Variants in ITSN2 observed in about 807,000 individuals in gnomAD.
ITSN2 encodes the protein intersectin 2, also known as intersectin-2.
In ITSN2, 156 loss-of-function variants were observed where a neutral mutation model predicts 243.7. The ratio of observed to expected loss-of-function variants is 0.64; its 90% CI spans 0.56 to 0.73. The LOEUF (loss-of-function observed/expected upper bound fraction) is 0.73, where lower values mean the gene tolerates loss of function less well. Among genes scored for constraint, ITSN2 ranks in the 30% least tolerant of loss-of-function variants. The pLI is 0.00. For missense variants in ITSN2, 1,801 were observed against 1,996.1 expected, an observed-to-expected ratio of 0.90 and a Z score of 1.86; for synonymous variants, 703 against 699.9, an observed-to-expected ratio of 1.00 and a Z score of -0.07.
chr2:24,261,374 AT>A, intron 21 of ITSN2, 124 bp from the exon 22 acceptor site: 1 of 903,168 alleles, frequency 1.1e-6, no homozygotes, highest in Non-Finnish European at 1.7e-6. Context: ...AAAAGAAATA[AT>A]TATTAACAAA....
intron 17 of ITSN2, among the ~76,000 whole-genome samples, chr2:24,280,869 G>A (rs1455978429): frequency 6.6e-6 from 1 of 152,158 alleles, no homozygotes; most frequent in Non-Finnish European, 1.5e-5. Flanking sequence ...CTTCATCAAT[G>A]ACCTTTTTAA....
intron 1 of ITSN2, 57 bp from the exon 2 acceptor site, chr2:24,328,172 G>A (rs1685363156): frequency 8.0e-7 from 1 of 1,245,040 alleles, no homozygotes; most frequent in Non-Finnish European, 1.2e-6. Context: ...TCACAGTTTA[G>A]TGCACCCGCT....
chr2:24,337,327 T>TATACATATATATATAC (rs1553395933), intron 1 of ITSN2, among the ~76,000 whole-genome samples: 1 of 97,402 alleles, frequency 1.0e-5, no homozygotes, highest in African/African-American at 4.2e-5. Flanking sequence ...TATATATATA[T>TATACATATATATATAC]ATATATATAT....
intron 8 of ITSN2, 57 bp from the exon 9 acceptor site, chr2:24,303,919 A>G: frequency 8.8e-7 from 1 of 1,142,484 alleles, no homozygotes; most frequent in Non-Finnish European, 1.3e-6. Context: ...AGTTATGCAT[A>G]ACAAATTAGC....
intron 20 of ITSN2, among the ~76,000 whole-genome samples, chr2:24,262,931 TAC>T (rs1371033112): frequency 6.6e-6 from 1 of 152,144 alleles, no homozygotes; most frequent in Non-Finnish European, 1.5e-5. Flanking sequence ...ACATCCAAAC[TAC>T]TGAATTTGTC....
intron 25 of ITSN2, among the ~76,000 whole-genome samples, chr2:24,251,328 A>AAAAATAAAAAAAATAT (rs1358585681): frequency 1.4e-4 from 1 of 6,980 alleles, no homozygotes; most frequent in Non-Finnish European, 3.2e-4. Flanking sequence ...AAAAAAATAA[A>AAAAATAAAAAAAATAT]ATATATATAT....
chr2:24,357,522 A>T (rs1248387574), intron 1 of ITSN2, among the ~76,000 whole-genome samples: 1 of 152,218 alleles, frequency 6.6e-6, no homozygotes, highest in African/African-American at 2.4e-5. Flanking sequence ...GAATAGGTGC[A>T]GCAAACCACC....
Position 24,252,502 on chromosome 2 carries a change from G to A in ITSN2, c.2963C>T (p.Ala988Val), listed in dbSNP as rs748516929. The change falls in exon 25 of 40, where the codon GCA becomes GTA. Residue 988 changes from alanine (A) to valine (V), a missense_variant. Ala to Val is a moderately conservative substitution (Grantham distance 64, BLOSUM62 0). This residue lies in a region of ITSN2 where 928 missense variants were observed against 1,065.4 expected (regional missense o/e 0.87). Transcript: ENST00000355123. Reference protein sequence around the residue: ...AAYSVGEEYIALYPYSSVEPG... With the variant: ...AAYSVGEEYIVLYPYSSVEPG... ...TTCCACACTTGAATATGGATAAAGT[G>A]CAATATATTCTGTAGGGAACAAAGC... The A allele has an allele frequency of 7.5e-6, 12 of 1,609,524 alleles. No individual in the cohort carries two copies. The highest frequency in any genetic ancestry group is 2.2e-5 in the South Asian group (2 of 90,842).
At chr2:24,212,531 G>A in intron 33 of ITSN2, 119 bp downstream of exon 33, 2 of 705,240 alleles carry the variant, frequency 2.8e-6, no homozygotes, top group African/African-American at 1.8e-5. Context: ...CACTTGTGCG[G>A]TGTCACACTG....
At chr2:24,297,668 C>T (rs930522718) in intron 13 of ITSN2, among the ~76,000 whole-genome samples, 2 of 152,148 alleles carry the variant, frequency 1.3e-5, no homozygotes, top group African/African-American at 2.4e-5. Flanking sequence ...TTCTGCTGCC[C>T]GAGCTTCCCC....
intron 30 of ITSN2, among the ~76,000 whole-genome samples, chr2:24,219,716 G>C (rs1326523346): frequency 6.6e-6 from 1 of 152,182 alleles, no homozygotes; most frequent in Non-Finnish European, 1.5e-5. Flanking sequence ...CAAGCACCCG[G>C]TGCCTGCTCA....
chr2:24,279,008 C>T (rs1233589518), intron 17 of ITSN2, among the ~76,000 whole-genome samples: 1 of 152,130 alleles, frequency 6.6e-6, no homozygotes, highest in African/African-American at 2.4e-5. Context: ...TAAGGAACTT[C>T]TATTACTAGT....
chr2:24,210,647 C>A, intron 34 of ITSN2, 133 bp downstream of exon 34: 1 of 621,034 alleles, frequency 1.6e-6, no homozygotes, highest in Non-Finnish European at 2.6e-6. Flanking sequence ...AAAAAAAATG[C>A]CTTTGCAGGG....
At chr2:24,248,906 G>C in intron 25 of ITSN2, 24 bp from the exon 26 acceptor site, 1 of 1,607,808 alleles carries the variant, frequency 6.2e-7, no homozygotes, top group Non-Finnish European at 8.5e-7. Context: ...ATACCGTGTT[G>C]TTTTATTATT....
At chr2:24,254,540 T>G (rs990171695) in intron 23 of ITSN2, 109 bp from the exon 24 acceptor site, 1 of 738,310 alleles carries the variant, frequency 1.4e-6, no homozygotes, top group Non-Finnish European at 2.3e-6. Flanking sequence ...TAGGGCTTTC[T>G]CAAATTAAAT....
chr2:24,203,734 C>T lies in ITSN2; in HGVS notation c.4986G>A (p.Gln1662=), dbSNP rs1265958465. 4 of 1,614,208 alleles carry T rather than the reference C, an allele frequency of 2.5e-6. No homozygotes were observed. The highest frequency in any genetic ancestry group is 2.5e-6 in the Non-Finnish European group (3 of 1,180,038). Residue 1662 remains glutamine (Q), a synonymous_variant, in exon 40 of 40, where the codon CAG becomes CAA. Coordinates refer to ENST00000355123, the MANE Select transcript of ITSN2 (RefSeq NM_006277.3). The part of the protein sequence containing the change: ...EIPVAKIRTE[Q]ESKGPMTRRL... ...GGCGGGTCATAGGGCCTTTGCTTTCCTGTTCTGTTCGAATTTTTGCCACTG... is the reference window on the plus strand; with the variant it reads ...GGCGGGTCATAGGGCCTTTGCTTTCTTGTTCTGTTCGAATTTTTGCCACTG...
Position 24,225,091 on chromosome 2 carries a change from GA to G in ITSN2, c.3578-4026del, listed in dbSNP as rs1670897673. On this transcript the variant is annotated intron_variant, in intron 29 of 39. Transcript: ENST00000355123. This position sits in a 1 kb window ranked among gnomAD's most constrained non-coding sequence, Gnocchi z 4.2. ...CCCTGTGTGTCCTTCCTGAGTTAGG[GA>G]AGGAGGGGTCCTGTTTCTTTCTAAA... 2.0e-5 allele frequency among the ~76,000 whole-genome samples: 3 copies of G among 152,070 alleles called. No homozygotes were observed. Among genetic ancestry groups the G allele is most frequent in the Admixed American group, 1.3e-4 (2 of 15,282 alleles).
At chr2:24,251,881 A>G (rs534923254) in intron 25 of ITSN2, among the ~76,000 whole-genome samples, 32 of 152,260 alleles carry the variant, frequency 2.1e-4, no homozygotes, top group Non-Finnish European at 3.8e-4. Context: ...AATAATTTTT[A>G]AGACTGTAAA....
rs1399999531 is a variant in ITSN2 at position 24,347,825 on chromosome 2, G to A, written c.-34+12479C>T. On this transcript the variant is annotated intron_variant, in intron 1 of 39. Transcript: ENST00000355123. ...GGTGGCTAATGTTTGTAATCCTAGC[G>A]CTTTTGGGAGGCCAACGCGGGAGAA... 4.0e-5 allele frequency among the ~76,000 whole-genome samples: 6 copies of A among 151,648 alleles called. No individual in the cohort carries two copies. The South Asian group carries it at 8.3e-4, about 21-fold the overall frequency.
Sources: gnomAD v4.1 joint callset for allele counts (sites outside exome capture counted in the v4.1 genomes callset) on GRCh38, gnomAD v4.1.1 for gene constraint, gnomAD v4.1.1 regional missense constraint, Gnocchi (gnomAD v3.1) non-coding constraint, MANE v1.5 for transcripts, NCBI Gene and HGNC (gene_info 2026-07-23, HGNC 2026-07-21) for gene names.